TANGO6: variants seen among roughly 807,000 people sequenced by gnomAD.
TANGO6 encodes the protein transport and golgi organization 6 homolog, also known as transport and Golgi organization protein 6 homolog.
A neutral mutation model predicts 114.2 loss-of-function variants in TANGO6; 90 were observed. The observed-to-expected ratio is 0.79, with a 90% CI of 0.66 to 0.94. TANGO6 has a LOEUF of 0.94. Ranked by LOEUF, TANGO6 falls within the 40% of genes least tolerant of loss-of-function variation. The pLI, the probability that TANGO6 is intolerant of heterozygous loss-of-function variation, is 0.00. For synonymous variants in TANGO6, 477 were observed against 509.8 expected, an observed-to-expected ratio of 0.94 and a Z score of 0.87; for missense variants, 1,274 against 1,315.3, an observed-to-expected ratio of 0.97 and a Z score of 0.49.
intron 15 of TANGO6, among the ~76,000 whole-genome samples, chr16:69,002,789 C>T (rs11075702): frequency 0.022 from 3,365 of 152,230 alleles, 127 homozygotes; most frequent in African/African-American, 0.077. Context: ...CACCTGTAAT[C>T]CCAGCACTTT....
At chr16:69,076,852 C>G (rs1411475632) in intron 17 of TANGO6, among the ~76,000 whole-genome samples, 1 of 152,150 alleles carries the variant, frequency 6.6e-6, no homozygotes, top group African/African-American at 2.4e-5. Context: ...TTCACGCTCC[C>G]TGTCCCATTG....
At chr16:69,074,814 G>GTGTA (rs1440863003) in intron 17 of TANGO6, among the ~76,000 whole-genome samples, 1 of 147,010 alleles carries the variant, frequency 6.8e-6, no homozygotes, top group African/African-American at 2.7e-5. Flanking sequence ...GTGTGTGTGT[G>GTGTA]TGTGTGTGTG....
Position 68,900,333 on chromosome 16 carries a change from A to G in TANGO6, c.1378-101A>G, listed in dbSNP as rs1194759233. On this transcript the variant is annotated intron_variant, in intron 7 of 17. Coordinates refer to ENST00000261778, the MANE Select transcript of TANGO6 (RefSeq NM_024562.2). Reference sequence around the variant, plus strand: ...TAAAATGGTGTGATTCGGATGAGATATTGCTTAAGACGCTGAGCCCTGCTA... The same window carrying G: ...TAAAATGGTGTGATTCGGATGAGATGTTGCTTAAGACGCTGAGCCCTGCTA... 11 of 867,022 alleles carry G rather than the reference A, an allele frequency of 1.3e-5. No individual in the cohort carries two copies. The Admixed American group carries it at 1.5e-4, about 12-fold the overall frequency. The allele number at this position is 867,022 out of a possible 1,614,324, so 53.7% of individuals were successfully genotyped here.
rs1038923392 is a variant in TANGO6, at chr16:69,084,908, A to G, written c.*1247A>G. The G allele has an allele frequency of 6.6e-5, 10 of 152,352 alleles. No homozygotes were observed. The highest frequency in any genetic ancestry group is 2.1e-4 in the South Asian group (1 of 4,828). The allele number at this position is 152,352 out of a possible 1,614,324, so 9.4% of individuals were successfully genotyped here. Reference sequence around the variant, plus strand: ...ATTTCTCTCTGGCCAGATCACAGACATGGTTCTGAGTCAGATCTTCCTTGG... The same window carrying G: ...ATTTCTCTCTGGCCAGATCACAGACGTGGTTCTGAGTCAGATCTTCCTTGG... On this transcript the variant is annotated 3_prime_UTR_variant, in exon 18 of 18. Transcript: ENST00000261778.
intron 14 of TANGO6, among the ~76,000 whole-genome samples, chr16:68,950,750 T>A (rs1284860044): frequency 2.0e-5 from 3 of 151,188 alleles, no homozygotes; most frequent in Non-Finnish European, 4.4e-5. Context: ...TCCCAGCTGC[T>A]CAGGAGGCTG....
chr16:68,907,051 TC>T (rs34261154), intron 9 of TANGO6, among the ~76,000 whole-genome samples: 3 of 151,342 alleles, frequency 2.0e-5, no homozygotes, highest in Non-Finnish European at 2.9e-5. Context: ...CGCCTCGGCT[TC>T]CCAAAGTGCT....
At chr16:68,875,351 C>T (rs1483813985) in intron 5 of TANGO6, 61 bp downstream of exon 5, 1 of 1,556,532 alleles carries the variant, frequency 6.4e-7, no homozygotes, top group Admixed American at 1.8e-5. Flanking sequence ...AGAAAGAGGA[C>T]TTTTAATGTT....
intron 17 of TANGO6, among the ~76,000 whole-genome samples, chr16:69,081,062 C>G (rs982142538): frequency 6.6e-6 from 1 of 152,126 alleles, no homozygotes; most frequent in Non-Finnish European, 1.5e-5. Context: ...GGTGTGAACC[C>G]AGGAGGCGGA....
intron 12 of TANGO6, among the ~76,000 whole-genome samples, chr16:68,919,983 G>A (rs1963067975): frequency 6.6e-6 from 1 of 152,198 alleles, no homozygotes; most frequent in Non-Finnish European, 1.5e-5. Flanking sequence ...GGAGCCGGAG[G>A]TTGCAGTGAG....
chr16:68,899,426 G>A (rs147585825), intron 7 of TANGO6, among the ~76,000 whole-genome samples: 165 of 151,938 alleles, frequency 1.1e-3, no homozygotes, highest in Non-Finnish European at 2.0e-3. Flanking sequence ...AATTGAATGC[G>A]TTTGTGCTAG....
At chr16:68,874,772 AC>A (rs1962329656) in intron 4 of TANGO6, among the ~76,000 whole-genome samples, 1 of 151,958 alleles carries the variant, frequency 6.6e-6, no homozygotes, top group African/African-American at 2.4e-5. Context: ...ACATGGCAAA[AC>A]CCTGTCTCTA....
At chr16:69,009,125 A>G (rs1163515364) in intron 15 of TANGO6, among the ~76,000 whole-genome samples, 1 of 118,196 alleles carries the variant, frequency 8.5e-6, no homozygotes, top group Non-Finnish European at 1.6e-5. Flanking sequence ...CTGTATGCCC[A>G]GGCTGGAGTG....
At chr16:68,862,026 T>A (rs1005397818) in intron 2 of TANGO6, among the ~76,000 whole-genome samples, 5 of 151,828 alleles carry the variant, frequency 3.3e-5, no homozygotes, top group Non-Finnish European at 5.9e-5. Context: ...TTTTTTAATT[T>A]TTTTTTTATT....
intron 7 of TANGO6, among the ~76,000 whole-genome samples, chr16:68,882,763 A>T (rs752533861): frequency 1.3e-4 from 20 of 152,172 alleles, no homozygotes; most frequent in Admixed American, 2.0e-4. Context: ...TCATGCCTGT[A>T]ATCCCAACAC....
chr16:69,015,145 G>T (rs528171400), intron 15 of TANGO6, among the ~76,000 whole-genome samples: 10 of 152,250 alleles, frequency 6.6e-5, no homozygotes, highest in Admixed American at 3.9e-4. Flanking sequence ...AGAAATGAAG[G>T]CAAGGTCATA....
At position 68,982,959 on chromosome 16, in the gene TANGO6, T is replaced by A. The variant is rs968022818; in HGVS notation, c.2842+8791T>A. On this transcript the variant is annotated intron_variant, in intron 15 of 17. Coordinates refer to ENST00000261778, the MANE Select transcript of TANGO6 (RefSeq NM_024562.2). ...AAGAGAAAATGAAGTGTTTTTTTTT[T>A]AAATACTTGGTTGCTCCTGAATCAC... Among the ~76,000 whole-genome samples the A allele has an allele frequency of 6.6e-5, 10 of 152,076 alleles. No homozygotes were observed. The East Asian group carries it at 7.7e-4, about 12-fold the overall frequency.
intron 14 of TANGO6, among the ~76,000 whole-genome samples, chr16:68,935,678 A>G (rs1963292431): frequency 6.6e-6 from 1 of 152,202 alleles, no homozygotes; most frequent in Admixed American, 6.6e-5. Flanking sequence ...GTTACCCTAT[A>G]GAGTTTACAG....
intron 15 of TANGO6, among the ~76,000 whole-genome samples, chr16:69,006,412 G>A (rs1414423442): frequency 1.3e-5 from 2 of 151,966 alleles, no homozygotes; most frequent in African/African-American, 4.8e-5. Context: ...TCCAGTCCTC[G>A]TTCTGACCCT....
At chr16:69,066,828 G>A (rs1960219145) in intron 17 of TANGO6, among the ~76,000 whole-genome samples, 1 of 152,052 alleles carries the variant, frequency 6.6e-6, no homozygotes, top group Non-Finnish European at 1.5e-5. Context: ...TGAGGTGGGG[G>A]GATTGCTTGA....
Sources: allele counts gnomAD v4.1 joint callset (sites outside exome capture counted in the v4.1 genomes callset), GRCh38; gene constraint gnomAD v4.1.1; transcripts MANE v1.5; gene names NCBI Gene and HGNC (gene_info 2026-07-23, HGNC 2026-07-21).